Variants in TNNI3K observed in about 807,000 individuals in gnomAD.
TNNI3K encodes serine/threonine-protein kinase TNNI3K.
In TNNI3K, 140 loss-of-function variants were observed where a neutral mutation model predicts 114.5. The observed-to-expected ratio is 1.22, with a 90% CI of 1.07 to 1.41. The LOEUF (loss-of-function observed/expected upper bound fraction) is 1.41, where lower values mean the gene tolerates loss of function less well. Among genes scored for constraint, TNNI3K ranks in the 40% most tolerant of loss-of-function variants. TNNI3K has a pLI of 0.00. For missense variants in TNNI3K, 1,125 were observed against 1,007.6 expected (o/e 1.12, Z -1.58); for synonymous variants, 347 against 347.5 (o/e 1.00, Z 0.02).
intron 5 of TNNI3K, among the ~76,000 whole-genome samples, chr1:74,282,248 T>C (rs1185628625): frequency 6.6e-6 from 1 of 151,986 alleles, no homozygotes; most frequent in Non-Finnish European, 1.5e-5. Context: ...TATCTGCTAC[T>C]GCTACCATGG....
chr1:74,328,611 T>C (rs962137701), intron 5 of TNNI3K, among the ~76,000 whole-genome samples: 1 of 152,150 alleles, frequency 6.6e-6, no homozygotes, highest in East Asian at 1.9e-4. Flanking sequence ...AAAATGACTC[T>C]GTATGGTTTC....
chr1:74,493,343 G>A (rs1225834025), intron 23 of TNNI3K, among the ~76,000 whole-genome samples: 1 of 152,094 alleles, frequency 6.6e-6, no homozygotes, highest in Non-Finnish European at 1.5e-5. Context: ...TTTTAAAATG[G>A]TTATTTCTAT....
intron 23 of TNNI3K, among the ~76,000 whole-genome samples, chr1:74,503,229 C>T (rs1457139725): frequency 3.3e-5 from 5 of 152,180 alleles, no homozygotes; most frequent in East Asian, 1.9e-4. Flanking sequence ...AAAGACCACT[C>T]TTTCTCATGC....
chr1:74,489,060 T>C, intron 21 of TNNI3K, 129 bp from the exon 22 acceptor site: 1 of 689,840 alleles, frequency 1.4e-6, no homozygotes, highest in Non-Finnish European at 2.3e-6. Flanking sequence ...AATAAAAGTG[T>C]ATTTTAAATA....
At position 74,246,575 on chromosome 1, in the gene TNNI3K, A is replaced by G. The variant is rs148535212; in HGVS notation, c.150-2884A>G. On this transcript the variant is annotated intron_variant, in intron 2 of 24. Coordinates refer to ENST00000326637, the MANE Select transcript of TNNI3K (RefSeq NM_015978.3). ...AGCAAATGAAACACACTATAAAACC[A>G]CAAGAAAAAAAAACAAAGTATTGGA... 2.4e-3 allele frequency among the ~76,000 whole-genome samples: 363 copies of G among 152,268 alleles called. 2 individuals carry two copies. Among genetic ancestry groups the G allele is most frequent in the African/African-American group, 7.9e-3 (328 of 41,538 alleles).
intron 17 of TNNI3K, among the ~76,000 whole-genome samples, chr1:74,416,143 G>A (rs897866147): frequency 2.6e-5 from 4 of 152,234 alleles, no homozygotes; most frequent in Non-Finnish European, 5.9e-5. Flanking sequence ...GTTCTCAAGC[G>A]TCCAAATATA....
chr1:74,460,250 G>A (rs1326569023), intron 20 of TNNI3K, among the ~76,000 whole-genome samples: 2 of 152,020 alleles, frequency 1.3e-5, no homozygotes, highest in Non-Finnish European at 2.9e-5. Context: ...TGTGTTTTTA[G>A]TAGAGATGCG....
intron 5 of TNNI3K, among the ~76,000 whole-genome samples, chr1:74,328,480 A>G (rs1007813388): frequency 2.0e-5 from 3 of 152,160 alleles, no homozygotes; most frequent in African/African-American, 7.2e-5. Flanking sequence ...TCCAAAGGTC[A>G]TACAAATTAG....
intron 17 of TNNI3K, among the ~76,000 whole-genome samples, chr1:74,411,287 T>C (rs1664866919): frequency 6.6e-6 from 1 of 152,192 alleles, no homozygotes; most frequent in South Asian, 2.1e-4. Flanking sequence ...ATTATCATCA[T>C]TATAAACCAT....
chr1:74,280,537 T>C (rs1281031874), intron 5 of TNNI3K, among the ~76,000 whole-genome samples: 1 of 151,936 alleles, frequency 6.6e-6, no homozygotes, highest in Non-Finnish European at 1.5e-5. Flanking sequence ...GAGAGCAAAG[T>C]GATTGTCAGA....
intron 23 of TNNI3K, among the ~76,000 whole-genome samples, chr1:74,528,170 A>G (rs1553155991): frequency 6.6e-6 from 1 of 152,202 alleles, no homozygotes; most frequent in Non-Finnish European, 1.5e-5. Context: ...CTGTGGTTCC[A>G]TGCAGGCTAA....
At chr1:74,471,794 T>C in intron 21 of TNNI3K, 1 of 426,898 alleles carries the variant, frequency 2.3e-6, no homozygotes, top group Non-Finnish European at 4.1e-6. Context: ...AATTTTTCTA[T>C]TGCACTGTTA....
chr1:74,306,897 C>G (rs1223356399), intron 5 of TNNI3K, among the ~76,000 whole-genome samples: 1 of 151,896 alleles, frequency 6.6e-6, no homozygotes, highest in African/African-American at 2.4e-5. Context: ...TGTTTTTGTT[C>G]CATTTGCCTT....
chr1:74,284,831 A>G (rs1011912073), intron 5 of TNNI3K, among the ~76,000 whole-genome samples: 6 of 152,246 alleles, frequency 3.9e-5, no homozygotes, highest in Non-Finnish European at 8.8e-5. Context: ...AACACTAGGC[A>G]TAAATGGGCT....
At chr1:74,479,956 C>G (rs1052986421) in intron 21 of TNNI3K, among the ~76,000 whole-genome samples, 1 of 152,248 alleles carries the variant, frequency 6.6e-6, no homozygotes, top group Admixed American at 6.5e-5. Context: ...GCCCTTTCCT[C>G]TATGTTAGAC....
At chr1:74,235,600 G>T (rs1437834293) in intron 1 of TNNI3K, 109 bp downstream of exon 1, 18 of 606,214 alleles carry the variant, frequency 3.0e-5, no homozygotes, top group Non-Finnish European at 4.5e-5. Context: ...CGGAAGATAA[G>T]GCAGCATGTT....
intron 17 of TNNI3K, among the ~76,000 whole-genome samples, chr1:74,389,531 G>A (rs141013571): frequency 5.9e-5 from 9 of 152,242 alleles, no homozygotes; most frequent in African/African-American, 2.2e-4. Context: ...GACCAGGTTA[G>A]GTACTGCCTT....
At chr1:74,499,606 G>A (rs180729175) in intron 23 of TNNI3K, among the ~76,000 whole-genome samples, 128 of 152,184 alleles carry the variant, frequency 8.4e-4, no homozygotes, top group African/African-American at 2.7e-3. Flanking sequence ...GGCATCCACT[G>A]GGGGTCTTGG....
chr1:74,425,082 C>T (rs975249577), intron 17 of TNNI3K, among the ~76,000 whole-genome samples: 20 of 152,012 alleles, frequency 1.3e-4, no homozygotes, highest in South Asian at 4.2e-4. Flanking sequence ...AAAATAAGGA[C>T]GAGGAAAATG....
Sources: allele counts gnomAD v4.1 joint callset (sites outside exome capture counted in the v4.1 genomes callset), GRCh38; gene constraint gnomAD v4.1.1; transcripts MANE v1.5; gene names NCBI Gene and HGNC (gene_info 2026-07-23, HGNC 2026-07-21).